KIAA1328: variants seen among roughly 807,000 people sequenced by gnomAD.
KIAA1328 encodes protein hinderin.
KIAA1328 carries 52 observed loss-of-function variants against 68.1 expected under a neutral mutation model. The observed-to-expected ratio is 0.76, with a 90% CI of 0.61 to 0.96. The LOEUF (loss-of-function observed/expected upper bound fraction) is 0.96. Ranked by LOEUF, KIAA1328 falls within the 40% of genes least tolerant of loss-of-function variation. KIAA1328 has a pLI of 0.00. For synonymous variants in KIAA1328, 232 were observed against 239.4 expected (o/e 0.97, Z 0.28); for missense variants, 641 against 677.6 (o/e 0.95, Z 0.60).
At chr18:36,936,379 G>C (rs1462852820) in intron 5 of KIAA1328, among the ~76,000 whole-genome samples, 1 of 152,088 alleles carries the variant, frequency 6.6e-6, no homozygotes, top group Non-Finnish European at 1.5e-5. Context: ...TGTGGTATTT[G>C]GTTTTCTGTT....
chr18:36,830,610 T>C (rs2046446801), intron 1 of KIAA1328, among the ~76,000 whole-genome samples: 1 of 152,178 alleles, frequency 6.6e-6, no homozygotes, highest in Non-Finnish European at 1.5e-5. Flanking sequence ...GCAATGGGAC[T>C]GAATAAGTGT....
intron 6 of KIAA1328, among the ~76,000 whole-genome samples, chr18:37,024,472 C>T (rs190635894): frequency 0.013 from 1,956 of 151,686 alleles, 27 homozygotes; most frequent in Non-Finnish European, 0.02. Context: ...TGGTGTGCTG[C>T]ACCCATTAAC....
downstream of KIAA1328, among the ~76,000 whole-genome samples, chr18:37,227,393 A>C (rs1027080134): frequency 2.6e-5 from 4 of 152,252 alleles, no homozygotes; most frequent in Non-Finnish European, 4.4e-5. Context: ...GGACTTCCGT[A>C]ACTAGAGAGG....
At chr18:36,900,179 A>G (rs568184492) in intron 5 of KIAA1328, among the ~76,000 whole-genome samples, 10 of 151,978 alleles carry the variant, frequency 6.6e-5, no homozygotes, top group Admixed American at 2.0e-4. Flanking sequence ...CAAATATTAA[A>G]ATTTTCTTAT....
At chr18:37,128,791 G>T (rs1375890731) in intron 7 of KIAA1328, among the ~76,000 whole-genome samples, 1 of 152,040 alleles carries the variant, frequency 6.6e-6, no homozygotes, top group African/African-American at 2.4e-5. Flanking sequence ...CTAATAGACT[G>T]GTTCATCCAT....
chr18:36,934,782 T>C (rs1217640736), intron 5 of KIAA1328, among the ~76,000 whole-genome samples: 1 of 152,236 alleles, frequency 6.6e-6, no homozygotes, highest in Non-Finnish European at 1.5e-5. Context: ...ATTTAATAAA[T>C]GTAAGTTTAG....
intron 6 of KIAA1328, among the ~76,000 whole-genome samples, chr18:37,002,405 A>G (rs1270147248): frequency 1.3e-5 from 2 of 151,406 alleles, no homozygotes; most frequent in Admixed American, 1.3e-4. Context: ...TTATTTGTAG[A>G]GATGGAGTCT....
In KIAA1328 at chr18:36,956,737, T is replaced by G. The variant is rs185705276; in HGVS notation, c.449-2571T>G. The stretch of plus-strand genomic sequence containing the variant: ...GATTTTTCCAGAGTAAAATTCGTAT[T>G]CTGTGACCAGACTAATATGTTCACC... On this transcript the variant is annotated intron_variant, in intron 5 of 9. Coordinates refer to ENST00000280020, the MANE Select transcript of KIAA1328 (RefSeq NM_020776.3). 8.9e-4 allele frequency among the ~76,000 whole-genome samples: 135 copies of G among 152,320 alleles called. 1 individual carries two copies. The highest frequency in any genetic ancestry group is 2.8e-3 in the African/African-American group (117 of 41,584).
chr18:36,971,893 GATAACT>G (rs2052232553), intron 6 of KIAA1328, among the ~76,000 whole-genome samples: 1 of 150,860 alleles, frequency 6.6e-6, no homozygotes, highest in African/African-American at 2.4e-5. Context: ...AGAAGAAAAA[GATAACT>G]ATGGGTACTG....
chr18:37,093,905 C>T (rs940355800), intron 7 of KIAA1328, among the ~76,000 whole-genome samples: 1 of 152,108 alleles, frequency 6.6e-6, no homozygotes, highest in African/African-American at 2.4e-5. Context: ...AGCATCAAGT[C>T]ACATATAAAG....
chr18:37,215,697 T>C (rs2060416480), intron 9 of KIAA1328, among the ~76,000 whole-genome samples: 1 of 152,244 alleles, frequency 6.6e-6, no homozygotes, highest in African/African-American at 2.4e-5. Flanking sequence ...CTTTTTCTAT[T>C]GATTGGAATA....
chr18:37,100,232 C>G (rs930707102), intron 7 of KIAA1328, among the ~76,000 whole-genome samples: 1 of 152,186 alleles, frequency 6.6e-6, no homozygotes, highest in Non-Finnish European at 1.5e-5. Flanking sequence ...CATCGCCTCA[C>G]CCAGGAAGCA....
At chr18:36,987,452 T>C (rs11081980) in intron 6 of KIAA1328, among the ~76,000 whole-genome samples, 1 of 141,964 alleles carries the variant, frequency 7.0e-6, no homozygotes, top group East Asian at 2.1e-4. Flanking sequence ...AACCTGCACA[T>C]TGTGCACATG....
At chr18:37,007,475 G>T (rs1260255842) in intron 6 of KIAA1328, among the ~76,000 whole-genome samples, 1 of 152,160 alleles carries the variant, frequency 6.6e-6, no homozygotes, top group Non-Finnish European at 1.5e-5. Flanking sequence ...ATTTAAGTGA[G>T]CAAATGAATG....
chr18:37,098,038 C>T (rs1037543966), intron 7 of KIAA1328, among the ~76,000 whole-genome samples: 3 of 152,168 alleles, frequency 2.0e-5, no homozygotes, highest in African/African-American at 7.2e-5. Flanking sequence ...ATTTGACTTC[C>T]TCTTTTCCTA....
At chr18:36,869,256 C>T in intron 4 of KIAA1328, among the ~76,000 whole-genome samples, 1 of 152,114 alleles carries the variant, frequency 6.6e-6, no homozygotes, top group South Asian at 2.1e-4. Flanking sequence ...GGTGGTTGTT[C>T]TGAGCTCTGT....
intron 1 of KIAA1328, chr18:36,829,447 C>T: frequency 7.7e-7 from 1 of 1,295,570 alleles, no homozygotes; most frequent in South Asian, 2.4e-5. Context: ...CCGGTGAGCT[C>T]GAGAAAGATA....
chr18:37,072,166 G>A (rs1489806504), intron 7 of KIAA1328, among the ~76,000 whole-genome samples: 2 of 151,492 alleles, frequency 1.3e-5, no homozygotes, highest in African/African-American at 4.8e-5. Context: ...TTGTTGTTTT[G>A]TTTTTAGATC....
At chr18:37,106,296 T>C (rs2057773530) in intron 7 of KIAA1328, among the ~76,000 whole-genome samples, 2 of 152,156 alleles carry the variant, frequency 1.3e-5, no homozygotes, top group South Asian at 4.1e-4. Context: ...ATAAAGGAAG[T>C]ATATTAGTGA....
Sources: allele counts gnomAD v4.1 joint callset (sites outside exome capture counted in the v4.1 genomes callset), GRCh38; gene constraint gnomAD v4.1.1; transcripts MANE v1.5; gene names NCBI Gene and HGNC (gene_info 2026-07-23, HGNC 2026-07-21).